Variants in APPBP2 observed in about 807,000 individuals in gnomAD.
APPBP2 encodes the protein amyloid beta precursor protein binding protein 2.
APPBP2 carries 15 observed loss-of-function variants against 76.0 expected under a neutral mutation model. The ratio of observed to expected loss-of-function variants is 0.20; its 90% confidence interval spans 0.13 to 0.30. The LOEUF is 0.30. APPBP2 is among the 10% of genes least tolerant of loss of function. APPBP2 has a pLI of 1.00. For synonymous variants in APPBP2, 222 were observed against 242.2 expected (o/e 0.92, Z 0.77); for missense variants, 401 against 687.2 (o/e 0.58, Z 4.66).
At position 60,447,644 on chromosome 17, in the gene APPBP2, C is replaced by A. The variant is rs138648850; in HGVS notation, c.1695G>T (p.Gln565His). Residue 565 changes from glutamine to histidine, a missense_variant, in exon 13 of 13, where the codon CAG becomes CAT. By Grantham distance (24) the Gln-to-His change is conservative. Transcript: ENST00000083182. ...AGGACTGCACCACTTCTTCAGTGGA[C>A]TGGGGGCTGGTGCTGACATCTTCAA... The part of the protein sequence containing the change: ...DALEDVSTSP[Q>H]STEEVVQSFL... 24 of 1,614,110 alleles carry A rather than the reference C, an allele frequency of 1.5e-5. No homozygotes were observed. The African/African-American group carries it at 2.7e-4, about 18-fold the overall frequency.
At chr17:60,488,093 GTC>G (rs1567931363) in intron 3 of APPBP2, among the ~76,000 whole-genome samples, 1 of 152,176 alleles carries the variant, frequency 6.6e-6, no homozygotes, top group African/African-American at 2.4e-5. Context: ...TGGAAGCTTC[GTC>G]TCAGAGGGGC....
rs551620961 is a variant in APPBP2, at chr17:60,503,676, G to A, written c.139-3189C>T. On this transcript the variant is annotated intron_variant, in intron 1 of 12. Transcript: ENST00000083182. The stretch of plus-strand genomic sequence containing the variant: ...GCTGGGATTATAGGTGTCTGCCACC[G>A]TGCCCGGCCTGAAATTAAGACATTT... Among the ~76,000 whole-genome samples the A allele has an allele frequency of 6.1e-5, 9 of 146,856 alleles. 1 individual carries two copies. Among genetic ancestry groups the A allele is most frequent in the East Asian group, 1.9e-4 (1 of 5,190 alleles).
chr17:60,525,719 G>A (rs1567946582), intron 1 of APPBP2, 75 bp downstream of exon 1: 1 of 1,598,376 alleles, frequency 6.3e-7, no homozygotes, highest in Non-Finnish European at 8.5e-7. Flanking sequence ...TAACTGCGGG[G>A]GTTCGCAGAC....
chr17:60,463,072 CT>C (rs1405316022), intron 6 of APPBP2, among the ~76,000 whole-genome samples: 1 of 151,896 alleles, frequency 6.6e-6, no homozygotes, highest in Non-Finnish European at 1.5e-5. Flanking sequence ...TGTTCTAGCT[CT>C]GATAACTTAA....
In APPBP2 at chr17:60,525,790, A is replaced by G. The variant is rs752185659; in HGVS notation, c.138+4T>C. The G allele has an allele frequency of 1.4e-5, 23 of 1,613,166 alleles. No individual in the cohort carries two copies. The highest frequency in any genetic ancestry group is 2.2e-5 in the South Asian group (2 of 91,034). On this transcript the variant is annotated splice_donor_region_variant and intron_variant, in intron 1 of 12. Coordinates refer to ENST00000083182, the MANE Select transcript of APPBP2 (RefSeq NM_006380.5). ...AGAGCAGAGAGGAGGCCCACGGCGC[A>G]TACCTTGTAGTAAACATCAAACTGG...
chr17:60,509,945 A>G (rs2090898626), intron 1 of APPBP2, among the ~76,000 whole-genome samples: 1 of 152,260 alleles, frequency 6.6e-6, no homozygotes, highest in South Asian at 2.1e-4. Context: ...GGTGATAGAC[A>G]TAGGAATTCA....
chr17:60,487,836 T>C (rs1249553224), intron 3 of APPBP2, among the ~76,000 whole-genome samples: 1 of 152,272 alleles, frequency 6.6e-6, no homozygotes, highest in East Asian at 1.9e-4. Context: ...TGTGGTTTTA[T>C]CTGCCTTTGG....
chr17:60,505,118 T>C (rs192791199), intron 1 of APPBP2, among the ~76,000 whole-genome samples: 4 of 152,376 alleles, frequency 2.6e-5, no homozygotes, highest in Non-Finnish European at 4.4e-5. Context: ...ATATATGGTA[T>C]AGGATTAATA....
At chr17:60,483,877 T>C (rs1401154411) in intron 3 of APPBP2, among the ~76,000 whole-genome samples, 1 of 152,198 alleles carries the variant, frequency 6.6e-6, no homozygotes, top group Non-Finnish European at 1.5e-5. Flanking sequence ...AACATTTAAG[T>C]CTTTAATCCA....
At chr17:60,457,458 GCT>G (rs956147743) in intron 9 of APPBP2, among the ~76,000 whole-genome samples, 24 of 151,800 alleles carry the variant, frequency 1.6e-4, no homozygotes, top group Admixed American at 1.3e-3. Flanking sequence ...ACAGGATCCT[GCT>G]CTGTCATCCA....
Position 60,526,024 on chromosome 17 carries a change from C to T in APPBP2, c.-93G>A, listed in dbSNP as rs1018074266. 5 of 1,310,720 alleles carry T rather than the reference C, an allele frequency of 3.8e-6. No homozygotes were observed. Among genetic ancestry groups the T allele is most frequent in the Non-Finnish European group, 4.1e-6 (4 of 968,290 alleles). The allele number at this position is 1,310,720 out of a possible 1,614,324, so 81.2% of individuals were successfully genotyped here. Reference sequence around the variant, plus strand: ...AACCCCTCTGCGGCCCCGGAGGATTCGGAGGGGCGGTGGCAGCCACGCGGG... The same window carrying T: ...AACCCCTCTGCGGCCCCGGAGGATTTGGAGGGGCGGTGGCAGCCACGCGGG... On this transcript the variant is annotated 5_prime_UTR_variant, in exon 1 of 13. Transcript: ENST00000083182.
In APPBP2 at chr17:60,497,735, A is replaced by G. The variant is rs145309081; in HGVS notation, c.227+2664T>C. ...GTTGAATAAATGCTAACAACTTGGT[A>G]AGATTCTTATTAGAGATCAGCAGTA... is the stretch of plus-strand genomic sequence containing the variant. On this transcript the variant is annotated intron_variant, in intron 2 of 12. Coordinates refer to ENST00000083182, the MANE Select transcript of APPBP2 (RefSeq NM_006380.5). Among the ~76,000 whole-genome samples, 67 of 152,318 alleles carry G rather than the reference A, an allele frequency of 4.4e-4. 1 individual carries two copies. In the East Asian group the frequency reaches 0.013, roughly 28 times the overall value.
intron 1 of APPBP2, among the ~76,000 whole-genome samples, chr17:60,521,446 T>C (rs2091009091): frequency 6.6e-6 from 1 of 152,220 alleles, no homozygotes. Context: ...TCCTAAAAGC[T>C]CCATTCACGG....
At chr17:60,505,887 T>G (rs1300917977) in intron 1 of APPBP2, among the ~76,000 whole-genome samples, 5 of 151,336 alleles carry the variant, frequency 3.3e-5, no homozygotes, top group African/African-American at 1.2e-4. Flanking sequence ...CTTCACCATG[T>G]TGGCCAGGCT....
At chr17:60,471,600 C>CCTATTAACA (rs1357862963) in intron 4 of APPBP2, among the ~76,000 whole-genome samples, 1 of 149,776 alleles carries the variant, frequency 6.7e-6, no homozygotes, top group Non-Finnish European at 1.5e-5. Context: ...TTCCCTTCAT[C>CCTATTAACA]CTATTAACAT....
At chr17:60,513,475 A>G in intron 1 of APPBP2, 1 of 582,486 alleles carries the variant, frequency 1.7e-6, no homozygotes. Flanking sequence ...AGGGCATTTC[A>G]GAAGATGGAC....
In APPBP2 at chr17:60,447,589, T is replaced by C; in HGVS notation, c.1750A>G (p.Ser584Gly). 2.5e-6 allele frequency: 4 copies of C among 1,611,478 alleles called. No individual in the cohort carries two copies. The highest frequency in any genetic ancestry group is 3.4e-6 in the Non-Finnish European group (4 of 1,178,376). Residue 584 changes from serine (S) to glycine (G), a missense_variant, in exon 13 of 13, where the codon AGC (serine) becomes GGC (glycine). Physicochemically the swap from Ser to Gly is moderately conservative, Grantham distance 56 (BLOSUM62 0). Around this residue, in one of 5 missense-constraint regions of APPBP2, gnomAD observed 56 missense variants for 76.5 expected, o/e 0.73. Transcript: ENST00000083182. ...TTAACTGAGGTCCTCCCTCAGCAGC[T>C]CGGTCCCTCGACATTCTGAGAAATC... is the stretch of plus-strand genomic sequence containing the variant. ...FLISQNVEGPSC is the reference protein window; with the variant it reads ...FLISQNVEGPGC
chr17:60,516,442 C>T (rs757499299), intron 1 of APPBP2, among the ~76,000 whole-genome samples: 91 of 152,166 alleles, frequency 6.0e-4, no homozygotes, highest in Admixed American at 2.0e-3. Flanking sequence ...TTGCCATGAA[C>T]CAAGGGTTAT....
chr17:60,454,198 T>C, intron 11 of APPBP2, 104 bp downstream of exon 11: 1 of 845,998 alleles, frequency 1.2e-6, no homozygotes, highest in South Asian at 2.2e-5. Flanking sequence ...CTCAATTCCT[T>C]TGTGCAATAA....
Sources: gnomAD v4.1 joint callset for allele counts (sites outside exome capture counted in the v4.1 genomes callset) on GRCh38, gnomAD v4.1.1 for gene constraint, gnomAD v4.1.1 regional missense constraint, MANE v1.5 for transcripts, NCBI Gene and HGNC (gene_info 2026-07-23, HGNC 2026-07-21) for gene names.